The following GFRA1 variants were observed in gnomAD, a reference collection of about 807,000 sequenced individuals.
GFRA1 encodes GDNF family receptor alpha-1.
Under a neutral mutation model 51.6 loss-of-function variants are expected in GFRA1, and 16 were observed. That is an observed-to-expected ratio of 0.31 (90% CI 0.21 to 0.47). The LOEUF (loss-of-function observed/expected upper bound fraction) is 0.47. Ranked by LOEUF, GFRA1 falls within the 20% of genes least tolerant of loss-of-function variation. The probability of loss-of-function intolerance (pLI) is 1.00; values close to 1 mark genes in which losing one functional copy is unlikely to be tolerated. For synonymous variants in GFRA1, 270 were observed against 241.3 expected, an observed-to-expected ratio of 1.12 and a Z score of -1.10; for missense variants, 530 against 594.3, an observed-to-expected ratio of 0.89 and a Z score of 1.13.
At chr10:116,236,446 A>G (rs1392233272) in intron 4 of GFRA1, among the ~76,000 whole-genome samples, 2 of 152,180 alleles carry the variant, frequency 1.3e-5, no homozygotes, top group Non-Finnish European at 2.9e-5. Flanking sequence ...ATCACCCAGA[A>G]AGAACAAAAC....
At chr10:116,149,608 T>C (rs1958981422) in intron 5 of GFRA1, among the ~76,000 whole-genome samples, 1 of 152,202 alleles carries the variant, frequency 6.6e-6, no homozygotes, top group African/African-American at 2.4e-5. Context: ...CCAAGCATTT[T>C]GAATAAGTTC....
At chr10:116,117,576 G>GATGGATGGATGT (rs1957473339) in intron 6 of GFRA1, among the ~76,000 whole-genome samples, 1 of 150,744 alleles carries the variant, frequency 6.6e-6, no homozygotes, top group African/African-American at 2.4e-5. Context: ...TGGATGGATG[G>GATGGATGGATGT]ATGGATGGAT....
At chr10:116,251,306 A>G (rs1311901033) in intron 4 of GFRA1, among the ~76,000 whole-genome samples, 1 of 152,224 alleles carries the variant, frequency 6.6e-6, no homozygotes. Context: ...GAATCTTGAC[A>G]AAGCTCCGAA....
Position 116,064,103 on chromosome 10 carries a change from C to CATG in GFRA1, c.*294_*295insCAT, listed in dbSNP as rs1954974938. 6 of 301,522 alleles carry CATG rather than the reference C, an allele frequency of 2.0e-5. No individual in the cohort carries two copies. The highest frequency in any genetic ancestry group is 5.0e-5 in the African/African-American group (2 of 39,938). The allele number at this position is 301,522 out of a possible 1,614,324, so 18.7% of individuals were successfully genotyped here. ...TGATCATCATCATGATCATCATCAT[C>CATG]ATCGAAAACACAGCCCCAGTTTGCT... On this transcript the variant is annotated 3_prime_UTR_variant, in exon 11 of 11. Transcript: ENST00000355422.
intron 3 of GFRA1, 81 bp downstream of exon 3, chr10:116,270,741 G>T: frequency 8.7e-7 from 1 of 1,148,680 alleles, no homozygotes; most frequent in Non-Finnish European, 1.3e-6. Context: ...AGTGGAGGAT[G>T]AGATCAGCTG....
intron 4 of GFRA1, among the ~76,000 whole-genome samples, chr10:116,265,902 C>T (rs748184967): frequency 1.6e-4 from 24 of 152,126 alleles, no homozygotes; most frequent in Non-Finnish European, 2.6e-4. Context: ...TTAATTGTGC[C>T]CCAGGGGCCA....
intron 9 of GFRA1, among the ~76,000 whole-genome samples, chr10:116,084,659 C>T (rs923608530): frequency 6.6e-6 from 1 of 152,092 alleles, no homozygotes; most frequent in African/African-American, 2.4e-5. Flanking sequence ...ACAAACACCA[C>T]ATTAAGATGT....
chr10:116,072,623 T>C (rs1003452830), intron 9 of GFRA1, among the ~76,000 whole-genome samples: 9 of 152,108 alleles, frequency 5.9e-5, no homozygotes, highest in African/African-American at 2.2e-4. Context: ...TAGCCGGGCA[T>C]GTTGGCGCGC....
intron 5 of GFRA1, among the ~76,000 whole-genome samples, chr10:116,193,333 G>A (rs574695198): frequency 7.9e-5 from 12 of 152,182 alleles, no homozygotes; most frequent in African/African-American, 2.9e-4. Context: ...TTAAGACTTT[G>A]GGGTTTTTTG....
At chr10:116,217,095 C>T (rs748494470) in intron 4 of GFRA1, among the ~76,000 whole-genome samples, 1 of 152,168 alleles carries the variant, frequency 6.6e-6, no homozygotes, top group Non-Finnish European at 1.5e-5. Context: ...ACCCACGGCA[C>T]TCCAGGGCAG....
intron 4 of GFRA1, among the ~76,000 whole-genome samples, chr10:116,222,477 G>A (rs1458878373): frequency 2.0e-5 from 3 of 152,140 alleles, no homozygotes; most frequent in Non-Finnish European, 2.9e-5. Flanking sequence ...GGGATTACAG[G>A]CGTGAACCAC....
Position 116,062,396 on chromosome 10 carries a change from G to T in GFRA1, c.*2002C>A, listed in dbSNP as rs908889373. 3.0e-6 allele frequency: 1 copy of T among 337,106 alleles called. No homozygotes were observed. Among genetic ancestry groups the T allele is most frequent in the Admixed American group, 4.8e-5 (1 of 20,942 alleles). The allele number at this position is 337,106 out of a possible 1,614,324, so 20.9% of individuals were successfully genotyped here. ...CTTTTCACTAATTAAATACAGTTGG[G>T]TGTCTGCTGAATTTCCCTTGAAAAC... On this transcript the variant is annotated 3_prime_UTR_variant, in exon 11 of 11. Transcript: ENST00000355422.
At chr10:116,178,087 A>C (rs916391878) in intron 5 of GFRA1, among the ~76,000 whole-genome samples, 11 of 152,268 alleles carry the variant, frequency 7.2e-5, no homozygotes, top group Non-Finnish European at 1.6e-4. Flanking sequence ...TATAAAATGC[A>C]CACTTTGAAA....
intron 4 of GFRA1, among the ~76,000 whole-genome samples, chr10:116,245,621 C>T (rs111981855): frequency 2.0e-4 from 31 of 152,270 alleles, no homozygotes; most frequent in Admixed American, 5.2e-4. Flanking sequence ...ACACAAAAAA[C>T]GAAACACAAA....
chr10:116,169,856 T>C (rs1960856265), intron 5 of GFRA1, among the ~76,000 whole-genome samples: 1 of 152,234 alleles, frequency 6.6e-6, no homozygotes, highest in African/African-American at 2.4e-5. Context: ...GTGTAACACT[T>C]AGCCATCCAC....
At chr10:116,142,573 T>C (rs977001698) in intron 5 of GFRA1, among the ~76,000 whole-genome samples, 1 of 152,238 alleles carries the variant, frequency 6.6e-6, no homozygotes, top group Admixed American at 6.5e-5. Context: ...TAAGGTTCAT[T>C]GTAACTAAAA....
intron 9 of GFRA1, 140 bp from the exon 10 acceptor site, chr10:116,065,766 T>G (rs562892009): frequency 1.5e-6 from 1 of 672,872 alleles, no homozygotes; most frequent in African/African-American, 1.8e-5. Flanking sequence ...AATTGAACAT[T>G]TTCTAGTAGC....
intron 5 of GFRA1, among the ~76,000 whole-genome samples, chr10:116,200,387 CCTT>C (rs1269597027): frequency 6.6e-6 from 1 of 152,184 alleles, no homozygotes; most frequent in Non-Finnish European, 1.5e-5. Context: ...AGCTGTAAGA[CCTT>C]CTGCAAGGTT....
intron 5 of GFRA1, among the ~76,000 whole-genome samples, chr10:116,145,968 G>A (rs1210115817): frequency 1.3e-5 from 2 of 151,906 alleles, no homozygotes; most frequent in Non-Finnish European, 2.9e-5. Flanking sequence ...GTACTGAATG[G>A]TAACATTTAT....
Sources: allele counts gnomAD v4.1 joint callset (sites outside exome capture counted in the v4.1 genomes callset), GRCh38; gene constraint gnomAD v4.1.1; transcripts MANE v1.5; gene names NCBI Gene and HGNC (gene_info 2026-07-23, HGNC 2026-07-21).